DLC1: variants seen among roughly 807,000 people sequenced by gnomAD.
DLC1 encodes the protein rho GTPase-activating protein 7.
A neutral mutation model predicts 140.3 loss-of-function variants in DLC1; 54 were observed. The ratio of observed to expected loss-of-function variants is 0.38; its 90% CI spans 0.31 to 0.48. The LOEUF is 0.48. Among genes scored for constraint, DLC1 ranks in the 20% least tolerant of loss-of-function variants. The probability of loss-of-function intolerance (pLI) is 0.96; values close to 1 mark genes in which losing one functional copy is unlikely to be tolerated. For missense variants in DLC1, 2,536 were observed against 1,907.0 expected (o/e 1.33, Z -6.14); for synonymous variants, 986 against 728.1 (o/e 1.35, Z -5.70).
intron 1 of DLC1, chr8:13,567,984 A>C (rs757714808): frequency 6.7e-7 from 1 of 1,483,946 alleles, no homozygotes; most frequent in Non-Finnish European, 9.0e-7. Context: ...GTATTTGAGT[A>C]ATTACCATAA....
At position 13,446,144 on chromosome 8, in the gene DLC1, C is replaced by T. The variant is rs769735673; in HGVS notation, c.1024-44525G>A. On this transcript the variant is annotated intron_variant, in intron 2 of 17. Coordinates refer to ENST00000276297, the MANE Select transcript of DLC1 (RefSeq NM_182643.3). The stretch of plus-strand genomic sequence containing the variant: ...AAAGAACTCTCCCCCCCTCTGTGTT[C>T]CTTTGTTTAACTAGATCATATAATT... Among the ~76,000 whole-genome samples, 61 of 152,230 alleles carry T rather than the reference C, an allele frequency of 4.0e-4. 1 individual carries two copies. The Middle Eastern group carries it at 0.014, about 34-fold the overall frequency.
chr8:13,381,237 G>A (rs775680791), intron 4 of DLC1, among the ~76,000 whole-genome samples: 1 of 152,224 alleles, frequency 6.6e-6, no homozygotes, highest in African/African-American at 2.4e-5. Context: ...GTAAGGGCCT[G>A]TCCCTAGGGT....
intron 1 of DLC1, among the ~76,000 whole-genome samples, chr8:13,538,154 A>AG (rs1353119718): frequency 6.6e-6 from 1 of 152,152 alleles, no homozygotes; most frequent in East Asian, 1.9e-4. Flanking sequence ...GTGGAGAAAT[A>AG]GGCCTTCTTA....
chr8:13,339,365 T>C lies in DLC1; in HGVS notation c.1315-34063A>G, dbSNP rs184285195. 12 of 152,364 alleles carry C rather than the reference T, an allele frequency of 7.9e-5. No individual in the cohort carries two copies. In the East Asian group the frequency reaches 2.3e-3, roughly 29 times the overall value. 9.4% of individuals were successfully genotyped at this position (152,364 alleles called of 1,614,324 possible). On this transcript the variant is annotated intron_variant, in intron 4 of 17. Transcript: ENST00000276297. ...GAGGCTTGTGAAGCAATTAGCAGGG[T>C]GCCAGGCAAATAGCAAGTGCTCAAT...
chr8:13,133,405 G>C, intron 5 of DLC1: 2 of 719,710 alleles, frequency 2.8e-6, no homozygotes, highest in Non-Finnish European at 3.5e-6. Flanking sequence ...CCTTAGCGAC[G>C]GGCTGTTCTC....
At chr8:13,417,519 G>A (rs1191211406) in intron 2 of DLC1, among the ~76,000 whole-genome samples, 1 of 151,664 alleles carries the variant, frequency 6.6e-6, no homozygotes, top group Non-Finnish European at 1.5e-5. Flanking sequence ...TTTCATCCAT[G>A]TCCCTACAAA....
intron 4 of DLC1, among the ~76,000 whole-genome samples, chr8:13,333,893 C>G (rs111407927): frequency 1.3e-5 from 2 of 152,118 alleles, no homozygotes; most frequent in African/African-American, 4.8e-5. Flanking sequence ...TTTCAAGTGT[C>G]TTCTCTGTGT....
At chr8:13,176,594 C>T (rs573664572) in intron 5 of DLC1, among the ~76,000 whole-genome samples, 148 of 152,194 alleles carry the variant, frequency 9.7e-4, no homozygotes, top group Admixed American at 2.4e-3. Flanking sequence ...AACAAACACA[C>T]AAAACCCTCT....
intron 1 of DLC1, among the ~76,000 whole-genome samples, chr8:13,603,831 T>C (rs1372480298): frequency 1.3e-5 from 2 of 152,110 alleles, no homozygotes; most frequent in African/African-American, 4.8e-5. Flanking sequence ...GATCATTTCA[T>C]TTGTAACCTT....
intron 5 of DLC1, among the ~76,000 whole-genome samples, chr8:13,128,561 G>A (rs1161438869): frequency 1.3e-5 from 2 of 152,218 alleles, no homozygotes; most frequent in Non-Finnish European, 2.9e-5. Context: ...TGCTGGACGC[G>A]GTGGCTCACG....
intron 5 of DLC1, among the ~76,000 whole-genome samples, chr8:13,273,539 C>A (rs1274431251): frequency 6.6e-6 from 1 of 152,076 alleles, no homozygotes; most frequent in Non-Finnish European, 1.5e-5. Context: ...CTTTTCCTGG[C>A]AACAATTCTG....
intron 2 of DLC1, among the ~76,000 whole-genome samples, chr8:13,445,142 G>A (rs1798719338): frequency 6.6e-6 from 1 of 152,150 alleles, no homozygotes; most frequent in South Asian, 2.1e-4. Flanking sequence ...AGAGAGCACA[G>A]AGGGAGGAAG....
chr8:13,564,989 T>C (rs1585279725), intron 1 of DLC1, among the ~76,000 whole-genome samples: 1 of 152,160 alleles, frequency 6.6e-6, no homozygotes, highest in Admixed American at 6.5e-5. Flanking sequence ...GGCAAGAAGA[T>C]TGAGATTTCC....
At chr8:13,476,591 A>G (rs1298367799) in intron 2 of DLC1, among the ~76,000 whole-genome samples, 1 of 152,124 alleles carries the variant, frequency 6.6e-6, no homozygotes, top group African/African-American at 2.4e-5. Context: ...GACTCAGACC[A>G]GAGTGGTCCA....
intron 5 of DLC1, among the ~76,000 whole-genome samples, chr8:13,154,860 A>T (rs147683829): frequency 1.3e-5 from 2 of 152,244 alleles, no homozygotes; most frequent in African/African-American, 4.8e-5. Context: ...AATAAGCGCT[A>T]TTAAAATTTT....
intron 4 of DLC1, among the ~76,000 whole-genome samples, chr8:13,384,585 A>C (rs1168859709): frequency 6.6e-6 from 1 of 152,196 alleles, no homozygotes; most frequent in Non-Finnish European, 1.5e-5. Flanking sequence ...TAATATTCTG[A>C]CTTACATCCA....
At chr8:13,451,037 C>CAAAAAAAAAAAAAA (rs1169620786) in intron 2 of DLC1, among the ~76,000 whole-genome samples, 618 of 18,462 alleles carry the variant, frequency 0.033, 61 homozygotes, top group Non-Finnish European at 0.049. Context: ...GACTCCGTCT[C>CAAAAAAAAAAAAAA]AAAAAAAAAA....
At chr8:13,540,650 C>T (rs1031853025) in intron 1 of DLC1, among the ~76,000 whole-genome samples, 1 of 152,098 alleles carries the variant, frequency 6.6e-6, no homozygotes, top group Non-Finnish European at 1.5e-5. Flanking sequence ...CTATTATCAC[C>T]AAAATGTTTA....
chr8:13,090,878 A>G (rs1442841794), intron 14 of DLC1, among the ~76,000 whole-genome samples: 3 of 148,326 alleles, frequency 2.0e-5, no homozygotes, highest in African/African-American at 7.5e-5. Flanking sequence ...ATATTGGTTC[A>G]TTGCAACCTC....
Sources: gnomAD v4.1 joint callset for allele counts (sites outside exome capture counted in the v4.1 genomes callset) on GRCh38, gnomAD v4.1.1 for gene constraint, MANE v1.5 for transcripts, NCBI Gene and HGNC (gene_info 2026-07-23, HGNC 2026-07-21) for gene names.